The following CEP128 variants were observed in gnomAD, a reference collection of about 807,000 sequenced individuals.
The protein encoded by CEP128 is centrosomal protein 128kDa.
CEP128 carries 132 observed loss-of-function variants against 156.7 expected under a neutral mutation model. The ratio of observed to expected loss-of-function variants is 0.84; its 90% CI spans 0.73 to 0.97. The LOEUF (loss-of-function observed/expected upper bound fraction) is 0.97, where lower values mean the gene tolerates loss of function less well. Ranked by LOEUF, CEP128 falls within the 50% of genes least tolerant of loss-of-function variation. The pLI is 0.00. For synonymous variants in CEP128, 469 were observed against 448.9 expected (o/e 1.04, Z -0.57); for missense variants, 1,252 against 1,281.9 (o/e 0.98, Z 0.36).
intron 19 of CEP128, among the ~76,000 whole-genome samples, chr14:80,612,554 A>G (rs969162806): frequency 3.3e-5 from 5 of 152,230 alleles, no homozygotes; most frequent in African/African-American, 9.6e-5. Context: ...ATAACAAAGG[A>G]TAATCACATT....
chr14:80,646,920 T>C (rs1200104134), intron 19 of CEP128, among the ~76,000 whole-genome samples: 2 of 149,572 alleles, frequency 1.3e-5, no homozygotes, highest in Non-Finnish European at 3.0e-5. Flanking sequence ...TTTCACACTT[T>C]AAAAAATGTG....
chr14:80,517,932 C>T (rs1888565728), intron 23 of CEP128, among the ~76,000 whole-genome samples: 1 of 151,924 alleles, frequency 6.6e-6, no homozygotes, highest in Admixed American at 6.6e-5. Context: ...CAGTGGACAC[C>T]CTGCCAGATC....
intron 19 of CEP128, among the ~76,000 whole-genome samples, chr14:80,690,567 C>A (rs1004614235): frequency 6.5e-4 from 99 of 152,172 alleles, no homozygotes; most frequent in African/African-American, 2.2e-3. Flanking sequence ...ATAACAACAA[C>A]AACAAAATCT....
At chr14:80,642,013 C>T (rs1197358708) in intron 19 of CEP128, among the ~76,000 whole-genome samples, 2 of 143,688 alleles carry the variant, frequency 1.4e-5, no homozygotes, top group East Asian at 4.2e-4. Context: ...TGATGTGAAC[C>T]CGGGAGGCGG....
intron 2 of CEP128, among the ~76,000 whole-genome samples, chr14:80,952,043 A>T (rs1031146221): frequency 2.6e-5 from 4 of 152,148 alleles, no homozygotes; most frequent in Admixed American, 6.5e-5. Context: ...GGGAAAAAAA[A>T]CAAATCCCCA....
chr14:80,520,528 A>G (rs1217084588), intron 23 of CEP128, among the ~76,000 whole-genome samples: 1 of 152,200 alleles, frequency 6.6e-6, no homozygotes, highest in African/African-American at 2.4e-5. Flanking sequence ...ACTAGTTTTC[A>G]TAATAGGACT....
chr14:80,822,495 G>A (rs549626256), intron 13 of CEP128: 21 of 605,384 alleles, frequency 3.5e-5, no homozygotes, highest in African/African-American at 9.2e-5. Flanking sequence ...ACTGCATCCC[G>A]CGTCCACCAC....
At chr14:80,737,976 A>C (rs12586869) in intron 19 of CEP128, among the ~76,000 whole-genome samples, 1 of 152,302 alleles carries the variant, frequency 6.6e-6, no homozygotes, top group South Asian at 2.1e-4. Flanking sequence ...AAATCATCCC[A>C]TAAGTTACTT....
chr14:80,488,607 G>C (rs558659842), downstream of CEP128, among the ~76,000 whole-genome samples: 4 of 151,780 alleles, frequency 2.6e-5, no homozygotes, highest in Admixed American at 6.6e-5. Flanking sequence ...CTAGAAATAC[G>C]GTTTGACCCA....
chr14:80,852,166 C>G (rs978635431), intron 9 of CEP128, among the ~76,000 whole-genome samples: 4 of 151,888 alleles, frequency 2.6e-5, no homozygotes, highest in African/African-American at 7.2e-5. Context: ...GTTTCTTACT[C>G]TGGAGTACTT....
chr14:80,899,651 T>A (rs1595564579), intron 7 of CEP128, among the ~76,000 whole-genome samples: 1 of 152,184 alleles, frequency 6.6e-6, no homozygotes, highest in South Asian at 2.1e-4. Flanking sequence ...TCCAATGTAT[T>A]TGCAAATCTA....
Position 80,617,219 on chromosome 14 carries a change from C to CTTTTTTTTTTTTTTTTTTTTTTT in CEP128, c.2807-36819_2807-36797dup, listed in dbSNP as rs3069115. On this transcript the variant is annotated intron_variant, in intron 19 of 24. Coordinates refer to ENST00000555265, the MANE Select transcript of CEP128 (RefSeq NM_152446.5). ...ATCACTTAACCTATGTGAATATCAT[C>CTTTTTTTTTTTTTTTTTTTTTTT]TTTTTTTTTTTTTTTTTTTTTTTTT... Among the ~76,000 whole-genome samples the CTTTTTTTTTTTTTTTTTTTTTTT allele has an allele frequency of 1.0e-4, 6 of 60,226 alleles. 2 individuals carry two copies. The highest frequency in any genetic ancestry group is 1.2e-3 in the East Asian group (2 of 1,730). The allele number at this position is 60,226 out of a possible 152,430, so 39.5% of individuals were successfully genotyped here. A position where few individuals can be genotyped will look rare whatever the true frequency, so the allele number is the denominator to read the frequency against.
intron 8 of CEP128, among the ~76,000 whole-genome samples, chr14:80,893,655 GT>G (rs1340349187): frequency 2.0e-5 from 3 of 151,868 alleles, no homozygotes; most frequent in Non-Finnish European, 4.4e-5. Flanking sequence ...AAAAAGTATA[GT>G]TACATTTAAA....
At chr14:80,796,700 C>A (rs1194792487) in intron 13 of CEP128, among the ~76,000 whole-genome samples, 1 of 152,116 alleles carries the variant, frequency 6.6e-6, no homozygotes, top group Non-Finnish European at 1.5e-5. Flanking sequence ...CTACACAATA[C>A]CCTCGGTAGA....
At chr14:80,605,184 C>T (rs146885296) in intron 19 of CEP128, among the ~76,000 whole-genome samples, 1 of 152,112 alleles carries the variant, frequency 6.6e-6, no homozygotes, top group East Asian at 1.9e-4. Context: ...CAAAGATCTC[C>T]GTAGCTCTGA....
At chr14:80,709,074 A>T (rs1029308850) in intron 19 of CEP128, among the ~76,000 whole-genome samples, 5 of 151,234 alleles carry the variant, frequency 3.3e-5, no homozygotes, top group Non-Finnish European at 7.4e-5. Flanking sequence ...TAAAAAAATA[A>T]AAATATAAAT....
chr14:80,763,570 A>C (rs1900076221), intron 16 of CEP128, among the ~76,000 whole-genome samples: 1 of 152,142 alleles, frequency 6.6e-6, no homozygotes, highest in African/African-American at 2.4e-5. Context: ...AAGATGCTGC[A>C]TTCTTTCTTC....
chr14:80,650,503 A>G (rs1228292864), intron 19 of CEP128, among the ~76,000 whole-genome samples: 1 of 152,174 alleles, frequency 6.6e-6, no homozygotes, highest in Non-Finnish European at 1.5e-5. Flanking sequence ...GCCAATTTTC[A>G]AAGGAAATGC....
chr14:80,489,638 T>G (rs1395396834), downstream of CEP128, among the ~76,000 whole-genome samples: 2 of 150,140 alleles, frequency 1.3e-5, no homozygotes, highest in Admixed American at 6.6e-5. Context: ...TTCATTAAAA[T>G]TCAAGAATAC....
Sources: allele counts gnomAD v4.1 joint callset (sites outside exome capture counted in the v4.1 genomes callset), GRCh38; gene constraint gnomAD v4.1.1; transcripts MANE v1.5; gene names NCBI Gene and HGNC (gene_info 2026-07-23, HGNC 2026-07-21).